The following LOXHD1 variants were observed in gnomAD, a reference collection of about 807,000 sequenced individuals.
LOXHD1 encodes lipoxygenase homology domain-containing protein 1.
LOXHD1 carries 205 observed loss-of-function variants against 248.2 expected under a neutral mutation model. That is an observed-to-expected ratio of 0.83 (90% CI 0.74 to 0.93). LOXHD1 has a LOEUF of 0.93. LOXHD1 is among the 40% of genes least tolerant of loss of function. The probability of loss-of-function intolerance (pLI) is 0.00; values close to 1 mark genes in which losing one functional copy is unlikely to be tolerated. For synonymous variants in LOXHD1, 1,113 were observed against 1,162.8 expected (o/e 0.96, Z 0.87); for missense variants, 2,930 against 2,971.6 (o/e 0.99, Z 0.33).
At chr18:46,651,013 G>T (rs911192973) in intron 1 of LOXHD1, among the ~76,000 whole-genome samples, 5 of 152,234 alleles carry the variant, frequency 3.3e-5, no homozygotes, top group African/African-American at 1.2e-4. Context: ...TCAACAAATA[G>T]TAACCTGGTT....
intron 29 of LOXHD1, among the ~76,000 whole-genome samples, chr18:46,527,432 T>A (rs1045270942): frequency 3.9e-5 from 6 of 152,248 alleles, no homozygotes; most frequent in African/African-American, 4.8e-5. Context: ...GACATGGTTC[T>A]AGACACTTCA....
chr18:46,628,947 G>A (rs1037791243), intron 4 of LOXHD1, among the ~76,000 whole-genome samples: 1 of 152,206 alleles, frequency 6.6e-6, no homozygotes, highest in Admixed American at 6.5e-5. Flanking sequence ...CATGGAGAAG[G>A]GGAGTCCAGA....
At chr18:46,494,849 CTTTTTTT>C (rs58016824) in intron 37 of LOXHD1, among the ~76,000 whole-genome samples, 3 of 96,550 alleles carry the variant, frequency 3.1e-5, no homozygotes, top group African/African-American at 3.8e-5. Context: ...TTCTCTCTCT[CTTTTTTT>C]TTTTTTTTTT....
chr18:46,529,729 G>A (rs879352062), intron 28 of LOXHD1, among the ~76,000 whole-genome samples: 2 of 152,114 alleles, frequency 1.3e-5, no homozygotes, highest in African/African-American at 4.8e-5. Context: ...TCCCATTTGA[G>A]GGTGACCAGT....
chr18:46,534,500 A>T (rs2036219266), intron 26 of LOXHD1, 49 bp from the exon 27 acceptor site: 3 of 1,430,150 alleles, frequency 2.1e-6, no homozygotes, highest in East Asian at 5.0e-5. Flanking sequence ...GATCCAGGAA[A>T]GTATGGCCTT....
At chr18:46,563,546 C>T (rs941467381) in intron 17 of LOXHD1, among the ~76,000 whole-genome samples, 4 of 152,132 alleles carry the variant, frequency 2.6e-5, no homozygotes, top group Non-Finnish European at 5.9e-5. Flanking sequence ...TGTGTGCCTG[C>T]CTGCTACAGT....
At position 46,504,456 on chromosome 18, in the gene LOXHD1, AGTCCCAGGCAT is replaced by A. The variant is rs745372540; in HGVS notation, c.5878+1371_5878+1381del. Among the ~76,000 whole-genome samples the A allele has an allele frequency of 7.5e-4, 114 of 152,332 alleles. 1 individual carries two copies. Among genetic ancestry groups the A allele is most frequent in the Admixed American group, 2.8e-3 (43 of 15,290 alleles). On this transcript the variant is annotated intron_variant, in intron 37 of 40. Coordinates refer to ENST00000642948, the MANE Select transcript of LOXHD1 (RefSeq NM_001384474.1). ...TGTTTGTATCTTTAATACCTAACAG[AGTCCCAGGCAT>A]GTCATGAATACTTTAGATGTTCCGT...
At chr18:46,615,669 G>A (rs1394936521) in intron 5 of LOXHD1, among the ~76,000 whole-genome samples, 2 of 152,086 alleles carry the variant, frequency 1.3e-5, no homozygotes, top group Non-Finnish European at 2.9e-5. Context: ...TTCTCTACCA[G>A]TTGGATGCAG....
At chr18:46,559,075 T>C (rs2037449476) in intron 20 of LOXHD1, 9 of 1,164,314 alleles carry the variant, frequency 7.7e-6, no homozygotes, top group Non-Finnish European at 1.0e-5. Flanking sequence ...CATACTCACC[T>C]GCCAAGGCCC....
chr18:46,488,927 A>T (rs1253142664), intron 38 of LOXHD1, 45 bp downstream of exon 38: 1 of 1,534,722 alleles, frequency 6.5e-7, no homozygotes, highest in African/African-American at 1.4e-5. Flanking sequence ...TTATTCCAGC[A>T]CCATTCCCTG....
chr18:46,484,962 G>T (rs552677174), intron 39 of LOXHD1, 57 bp downstream of exon 39: 5 of 1,533,118 alleles, frequency 3.3e-6, no homozygotes, highest in Non-Finnish European at 3.5e-6. Flanking sequence ...GGAGATTCTC[G>T]GGGTCCTCCC....
At chr18:46,550,397 C>G (rs1013649952) in intron 21 of LOXHD1, among the ~76,000 whole-genome samples, 3 of 151,234 alleles carry the variant, frequency 2.0e-5, no homozygotes. Flanking sequence ...CAAGGTGAAA[C>G]CCCGTCTCTA....
chr18:46,529,203 G>C lies in LOXHD1; in HGVS notation c.4504C>G (p.Arg1502Gly), dbSNP rs200819355. ...GTTCCTCTCTCGAACTTGTTGGTCC[G>C]GTTCTCTGACTTGCCAAGGTATCGC... Reference protein sequence around the residue: ...GERYLGKSENRTNKFERGTAD... With the variant: ...GERYLGKSENGTNKFERGTAD... The change falls in exon 29 of 41, where the codon CGG (arginine) becomes GGG (glycine). Residue 1502 changes from arginine (R) to glycine (G), a missense_variant. Physicochemically the swap from Arg to Gly is moderately radical, Grantham distance 125. Coordinates refer to ENST00000642948, the MANE Select transcript of LOXHD1 (RefSeq NM_001384474.1). The C allele has an allele frequency of 6.4e-6, 10 of 1,551,528 alleles. No individual in the cohort carries two copies. The highest frequency in any genetic ancestry group is 1.4e-5 in the African/African-American group (1 of 73,096).
chr18:46,640,111 A>G (rs1217832834), intron 3 of LOXHD1, among the ~76,000 whole-genome samples: 1 of 152,146 alleles, frequency 6.6e-6, no homozygotes, highest in Non-Finnish European at 1.5e-5. Context: ...GGTCCTGGCT[A>G]TTCAGGTCTG....
chr18:46,646,051 C>T (rs1231291633), intron 2 of LOXHD1, among the ~76,000 whole-genome samples: 3 of 152,152 alleles, frequency 2.0e-5, no homozygotes, highest in Non-Finnish European at 4.4e-5. Flanking sequence ...GGGCCAGGGG[C>T]TATCAGTGAA....
chr18:46,534,697 G>A (rs1475094169), intron 26 of LOXHD1, among the ~76,000 whole-genome samples: 4 of 152,096 alleles, frequency 2.6e-5, no homozygotes, highest in Non-Finnish European at 5.9e-5. Flanking sequence ...TCTCTGGGAG[G>A]GGGACCCCTC....
chr18:46,611,055 G>A, intron 5 of LOXHD1, 131 bp from the exon 6 acceptor site: 1 of 1,040,232 alleles, frequency 9.6e-7, no homozygotes, highest in East Asian at 2.6e-5. Flanking sequence ...AGATCTAAGG[G>A]CTCCTTACAT....
At chr18:46,654,146 C>T (rs1181088682) in intron 1 of LOXHD1, among the ~76,000 whole-genome samples, 4 of 152,220 alleles carry the variant, frequency 2.6e-5, no homozygotes, top group Admixed American at 2.6e-4. Context: ...TGTGGGAACA[C>T]AGCAAGAAAG....
At chr18:46,558,228 C>T (rs547241077) in intron 20 of LOXHD1, among the ~76,000 whole-genome samples, 7 of 152,192 alleles carry the variant, frequency 4.6e-5, no homozygotes, top group Non-Finnish European at 8.8e-5. Context: ...CTCTCTTGCA[C>T]TCTCTCTCTT....
Sources: allele counts gnomAD v4.1 joint callset (sites outside exome capture counted in the v4.1 genomes callset), GRCh38; gene constraint gnomAD v4.1.1; transcripts MANE v1.5; gene names NCBI Gene and HGNC (gene_info 2026-07-23, HGNC 2026-07-21).